The following CNOT7 variants were observed in gnomAD, a reference collection of about 807,000 sequenced individuals.
CNOT7 encodes the protein BTG1-binding factor 1.
In CNOT7, 4 loss-of-function variants were observed where a neutral mutation model predicts 37.1. The observed-to-expected ratio is 0.11, with a 90% CI of 0.05 to 0.25. The LOEUF is 0.25. Ranked by LOEUF, CNOT7 falls within the 10% of genes least tolerant of loss-of-function variation. The probability of loss-of-function intolerance (pLI) is 1.00; values close to 1 mark genes in which losing one functional copy is unlikely to be tolerated. For synonymous variants in CNOT7, 128 were observed against 115.6 expected (o/e 1.11, Z -0.69); for missense variants, 170 against 336.2 (o/e 0.51, Z 3.87).
chr8:17,226,018 G>A lies in CNOT7; in HGVS notation c.*4702C>T, dbSNP rs1808128158. 3.1e-5 allele frequency: 4 copies of A among 130,890 alleles called. No individual in the cohort carries two copies. The Admixed American group carries it at 3.2e-4, about 11-fold the overall frequency. The allele number at this position is 130,890 out of a possible 1,614,324, so 8.1% of individuals were successfully genotyped here. ...ACCCTTGAGTTTCTTCTAGTAGAGA[G>A]GTGGACAAGCCTTTTTTTTTTTTTT... is the stretch of plus-strand genomic sequence containing the variant. On this transcript the variant is annotated 3_prime_UTR_variant, in exon 7 of 7. Coordinates refer to ENST00000361272, the MANE Select transcript of CNOT7 (RefSeq NM_013354.7).
chr8:17,231,178 A>G (rs1374721506), intron 6 of CNOT7, among the ~76,000 whole-genome samples: 2 of 152,120 alleles, frequency 1.3e-5, no homozygotes, highest in Non-Finnish European at 2.9e-5. Flanking sequence ...AAAGCCAATG[A>G]TGGTGGGGGA....
intron 1 of CNOT7, among the ~76,000 whole-genome samples, chr8:17,245,663 A>C (rs1810877057): frequency 6.6e-6 from 1 of 152,206 alleles, no homozygotes; most frequent in African/African-American, 2.4e-5. Context: ...CATTAATAAA[A>C]CAACCAAAAT....
At position 17,227,094 on chromosome 8, in the gene CNOT7, C is replaced by G. The variant is rs182737609; in HGVS notation, c.*3626G>C. On this transcript the variant is annotated 3_prime_UTR_variant, in exon 7 of 7. Transcript: ENST00000361272. ...TTAACTGTTGACCAGTTCAGTAACA[C>G]CAATATTTCCTGTGAAGTACCTGCT... 6.6e-5 allele frequency: 10 copies of G among 151,764 alleles called. No individual in the cohort carries two copies. In the East Asian group the frequency reaches 1.9e-3, roughly 29 times the overall value. 9.4% of individuals were successfully genotyped at this position (151,764 alleles called of 1,614,324 possible).
In CNOT7 at chr8:17,227,188, C is replaced by T. The variant is rs1159153238; in HGVS notation, c.*3532G>A. ...GTTTTCACAAGCCTTAAAATTTGACCAAATAAACTTTTTTTCTGCTTCATG... is the reference window on the plus strand; with the variant it reads ...GTTTTCACAAGCCTTAAAATTTGACTAAATAAACTTTTTTTCTGCTTCATG... On this transcript the variant is annotated 3_prime_UTR_variant, in exon 7 of 7. Coordinates refer to ENST00000361272, the MANE Select transcript of CNOT7 (RefSeq NM_013354.7). 1 of 151,812 alleles carries T rather than the reference C, an allele frequency of 6.6e-6. No homozygotes were observed. Among genetic ancestry groups the T allele is most frequent in the East Asian group, 1.9e-4 (1 of 5,200 alleles). The allele number at this position is 151,812 out of a possible 1,614,324, so 9.4% of individuals were successfully genotyped here.
At position 17,226,160 on chromosome 8, in the gene CNOT7, A is replaced by T. The variant is rs1244440384; in HGVS notation, c.*4560T>A. 6.7e-6 allele frequency: 1 copy of T among 149,096 alleles called. No individual in the cohort carries two copies. Among genetic ancestry groups the T allele is most frequent in the Non-Finnish European group, 1.5e-5 (1 of 67,128 alleles). The allele number at this position is 149,096 out of a possible 1,614,324, so 9.2% of individuals were successfully genotyped here. Reference sequence around the variant, plus strand: ...TTTTCACCAAATTTTTATTCTAAAAATTGAAAACTCAAAATATTGAGTACA... The same window carrying T: ...TTTTCACCAAATTTTTATTCTAAAATTTGAAAACTCAAAATATTGAGTACA... On this transcript the variant is annotated 3_prime_UTR_variant, in exon 7 of 7. Coordinates refer to ENST00000361272, the MANE Select transcript of CNOT7 (RefSeq NM_013354.7).
chr8:17,228,613 A>G lies in CNOT7; in HGVS notation c.*2107T>C, dbSNP rs1031785322. 2.0e-5 allele frequency: 3 copies of G among 151,952 alleles called. No individual in the cohort carries two copies. The highest frequency in any genetic ancestry group is 7.2e-5 in the African/African-American group (3 of 41,428). 9.4% of individuals were successfully genotyped at this position (151,952 alleles called of 1,614,324 possible). A position where few individuals can be genotyped will look rare whatever the true frequency, so the allele number is the denominator to read the frequency against. ...GTCCTAAGGCGCTCCTAAACTTTTG[A>G]TGGGGTTACCTCTCAATACACCCAC... On this transcript the variant is annotated 3_prime_UTR_variant, in exon 7 of 7. Coordinates refer to ENST00000361272, the MANE Select transcript of CNOT7 (RefSeq NM_013354.7).
At chr8:17,234,981 G>T in intron 4 of CNOT7, 121 bp from the exon 5 acceptor site, 1 of 748,316 alleles carries the variant, frequency 1.3e-6, no homozygotes, top group Non-Finnish European at 2.1e-6. Context: ...AAACATTAAA[G>T]AGAAGTGCAC....
chr8:17,244,854 C>T (rs1037419424), intron 2 of CNOT7, 182 bp downstream of exon 2: 6 of 562,988 alleles, frequency 1.1e-5, no homozygotes, highest in East Asian at 9.2e-5. Flanking sequence ...GAGGGATAAA[C>T]CCAACCTGTC....
intron 6 of CNOT7, among the ~76,000 whole-genome samples, chr8:17,231,196 T>C (rs570642465): frequency 1.6e-3 from 239 of 152,144 alleles, no homozygotes; most frequent in Non-Finnish European, 2.8e-3. Context: ...GGAAAAAAAG[T>C]TTAGGTTCAT....
rs773095054 is a variant in CNOT7, at chr8:17,244,765, C to T, written c.117+271G>A. 4.4e-5 allele frequency: 14 copies of T among 319,268 alleles called. No homozygotes were observed. The East Asian group carries it at 6.7e-4, about 15-fold the overall frequency. The allele number at this position is 319,268 out of a possible 1,614,324, so 19.8% of individuals were successfully genotyped here. On this transcript the variant is annotated intron_variant, in intron 2 of 6. Coordinates refer to ENST00000361272, the MANE Select transcript of CNOT7 (RefSeq NM_013354.7). ...TACCTTCCCCTAAGACCACCTGACA[C>T]GAGCCCAAATCCTTCCTAACTCTTA...
Position 17,246,789 on chromosome 8 carries a change from C to T in CNOT7, c.-210G>A, listed in dbSNP as rs988681017. ...GCGGCAGCGGGTGCCCCATAGACAC[C>T]TCTCGCCCAGCGAAGGGAAAGGCGA... On this transcript the variant is annotated 5_prime_UTR_variant, in exon 1 of 7. Coordinates refer to ENST00000361272, the MANE Select transcript of CNOT7 (RefSeq NM_013354.7). The T allele has an allele frequency of 9.6e-6, 2 of 208,864 alleles. No individual in the cohort carries two copies. The highest frequency in any genetic ancestry group is 2.0e-5 in the Non-Finnish European group (2 of 101,766). 12.9% of individuals were successfully genotyped at this position (208,864 alleles called of 1,614,324 possible).
chr8:17,245,437 T>G (rs1293015370), intron 1 of CNOT7, among the ~76,000 whole-genome samples, 190 bp from the exon 2 acceptor site: 1 of 152,168 alleles, frequency 6.6e-6, no homozygotes, highest in Non-Finnish European at 1.5e-5. Flanking sequence ...CAGTACAGAT[T>G]TCCTGGTCCT....
chr8:17,230,850 TA>T lies in CNOT7; in HGVS notation c.730-3del. 2 of 1,564,816 alleles carry T rather than the reference TA, an allele frequency of 1.3e-6. No homozygotes were observed. The highest frequency in any genetic ancestry group is 1.7e-6 in the Non-Finnish European group (2 of 1,155,666). ...ATCAATATGATCTTCAAAGAACATC[TA>T]AAAAGGAATTTTGAAGAAAAAAAAA... On this transcript the variant is annotated splice_polypyrimidine_tract_variant and splice_region_variant and intron_variant, in intron 6 of 6. Transcript: ENST00000361272.
chr8:17,240,895 CAAAG>C (rs1810069191), intron 3 of CNOT7, among the ~76,000 whole-genome samples: 1 of 152,138 alleles, frequency 6.6e-6, no homozygotes, highest in Non-Finnish European at 1.5e-5. Context: ...GGGCCATACT[CAAAG>C]AACTGTCTTG....
At chr8:17,244,589 G>C (rs1344014165) in intron 2 of CNOT7, 7 of 153,240 alleles carry the variant, frequency 4.6e-5, no homozygotes, top group African/African-American at 1.7e-4. Context: ...AAATGACCAA[G>C]TATCTCCATC....
In CNOT7 at chr8:17,232,410, C is replaced by T. The variant is rs972053386; in HGVS notation, c.729+17G>A. 22 of 1,613,484 alleles carry T rather than the reference C, an allele frequency of 1.4e-5. No homozygotes were observed. The East Asian group carries it at 4.0e-4, about 29-fold the overall frequency. ...ACCTAACAACCAACTGAGAAAAAGG[C>T]AGTGATGTCTTCATACTTCTCTCAT... On this transcript the variant is annotated intron_variant, in intron 6 of 6. Transcript: ENST00000361272.
rs1771068833 is a variant in CNOT7, at chr8:17,229,654, A to G, written c.*1066T>C. On this transcript the variant is annotated 3_prime_UTR_variant, in exon 7 of 7. Coordinates refer to ENST00000361272, the MANE Select transcript of CNOT7 (RefSeq NM_013354.7). ...TATATATATATATATGAGAATATAT[A>G]TATATTTTGTTGTTTTGTACCAAAT... The G allele has an allele frequency of 6.6e-6, 1 of 151,750 alleles. No homozygotes were observed. 9.4% of individuals were successfully genotyped at this position (151,750 alleles called of 1,614,324 possible). A position where few individuals can be genotyped will look rare whatever the true frequency, so the allele number is the denominator to read the frequency against.
chr8:17,236,786 C>G (rs1193730811), intron 4 of CNOT7, among the ~76,000 whole-genome samples: 1 of 152,132 alleles, frequency 6.6e-6, no homozygotes, highest in Non-Finnish European at 1.5e-5. Flanking sequence ...TTATTCACAC[C>G]TTAGTTCCTA....
At chr8:17,239,179 A>C (rs1242876555) in intron 3 of CNOT7, among the ~76,000 whole-genome samples, 1 of 152,124 alleles carries the variant, frequency 6.6e-6, no homozygotes, top group African/African-American at 2.4e-5. Flanking sequence ...TAGCCTCCCA[A>C]GTAGCTGGGA....
Sources: gnomAD v4.1 joint callset for allele counts (sites outside exome capture counted in the v4.1 genomes callset) on GRCh38, gnomAD v4.1.1 for gene constraint, MANE v1.5 for transcripts, NCBI Gene and HGNC (gene_info 2026-07-23, HGNC 2026-07-21) for gene names.